Variants in KCNIP4 observed in about 807,000 individuals in gnomAD.
KCNIP4 encodes the protein Kv channel-interacting protein 4.
In KCNIP4, 12 loss-of-function variants were observed where a neutral mutation model predicts 34.0. That is an observed-to-expected ratio of 0.35 (90% CI 0.23 to 0.57). KCNIP4 has a LOEUF of 0.57. KCNIP4 is among the 20% of genes least tolerant of loss of function. The pLI, the probability that KCNIP4 is intolerant of heterozygous loss-of-function variation, is 0.83. For synonymous variants in KCNIP4, 124 were observed against 102.2 expected, an observed-to-expected ratio of 1.21 and a Z score of -1.29; for missense variants, 238 against 311.7, an observed-to-expected ratio of 0.76 and a Z score of 1.78.
intron 1 of KCNIP4, among the ~76,000 whole-genome samples, chr4:21,218,140 C>T (rs917467523): frequency 3.3e-5 from 5 of 151,806 alleles, no homozygotes; most frequent in Admixed American, 6.6e-5. Flanking sequence ...CTCAGTCTCC[C>T]GAGTAGCTGG....
chr4:20,730,253 A>ATTC, intron 8 of KCNIP4, 124 bp from the exon 9 acceptor site: 1 of 1,235,192 alleles, frequency 8.1e-7, no homozygotes, highest in Non-Finnish European at 1.1e-6. Flanking sequence ...AAGCTCAAAT[A>ATTC]TTAAGTGTTT....
chr4:21,673,337 G>A (rs139033913), intron 1 of KCNIP4, among the ~76,000 whole-genome samples: 2 of 152,134 alleles, frequency 1.3e-5, no homozygotes, highest in African/African-American at 4.8e-5. Context: ...ATATCTTCTT[G>A]GTTCTCTTAG....
At chr4:21,903,581 A>G (rs1462668346) in intron 1 of KCNIP4, among the ~76,000 whole-genome samples, 1 of 152,188 alleles carries the variant, frequency 6.6e-6, no homozygotes, top group Non-Finnish European at 1.5e-5. Flanking sequence ...GAAAAGAGAA[A>G]AAGTAAGTGC....
chr4:21,324,783 A>G (rs1461066064), intron 1 of KCNIP4, among the ~76,000 whole-genome samples: 2 of 149,938 alleles, frequency 1.3e-5, no homozygotes, highest in African/African-American at 4.9e-5. Flanking sequence ...AGTTTTTTCT[A>G]TGTCTGTGAA....
intron 1 of KCNIP4, among the ~76,000 whole-genome samples, chr4:21,735,746 C>A (rs933946906): frequency 6.6e-6 from 1 of 152,078 alleles, no homozygotes; most frequent in Non-Finnish European, 1.5e-5. Context: ...CAAAGATAAG[C>A]AAAATCTGTC....
At chr4:21,612,040 T>A (rs1744199894) in intron 1 of KCNIP4, among the ~76,000 whole-genome samples, 1 of 152,222 alleles carries the variant, frequency 6.6e-6, no homozygotes, top group African/African-American at 2.4e-5. Flanking sequence ...AAGACATAAT[T>A]GTCTTTTTAA....
intron 1 of KCNIP4, among the ~76,000 whole-genome samples, chr4:21,157,724 A>G (rs1172951431): frequency 6.6e-6 from 1 of 152,172 alleles, no homozygotes; most frequent in African/African-American, 2.4e-5. Context: ...TCGATAGCAA[A>G]AAAGATATCA....
intron 1 of KCNIP4, chr4:21,844,922 TA>T (rs1723914428): frequency 6.6e-6 from 1 of 150,474 alleles, no homozygotes; most frequent in Admixed American, 6.6e-5. Flanking sequence ...AAAGGTTGTA[TA>T]ACTTATCATA....
intron 1 of KCNIP4, among the ~76,000 whole-genome samples, chr4:21,282,965 C>T (rs1421521300): frequency 6.6e-6 from 1 of 152,094 alleles, no homozygotes; most frequent in Admixed American, 6.6e-5. Flanking sequence ...TGGTTAAACA[C>T]GTGGCAAACT....
chr4:20,878,272 C>CTAA (rs1169954041), intron 2 of KCNIP4, among the ~76,000 whole-genome samples: 1 of 152,154 alleles, frequency 6.6e-6, no homozygotes, highest in Non-Finnish European at 1.5e-5. Context: ...AAATACTTTG[C>CTAA]ATGGATTATT....
intron 1 of KCNIP4, among the ~76,000 whole-genome samples, chr4:21,581,629 T>C (rs1741203924): frequency 6.6e-6 from 1 of 152,022 alleles, no homozygotes; most frequent in Non-Finnish European, 1.5e-5. Flanking sequence ...GCTTAAATCA[T>C]AGAATATACC....
intron 1 of KCNIP4, among the ~76,000 whole-genome samples, chr4:21,228,169 G>A (rs906462106): frequency 1.3e-5 from 2 of 152,130 alleles, no homozygotes; most frequent in African/African-American, 4.8e-5. Context: ...TTAACCCCCA[G>A]TGTTGGAGAA....
intron 1 of KCNIP4, among the ~76,000 whole-genome samples, chr4:21,691,808 C>T (rs1711674618): frequency 6.7e-6 from 1 of 149,186 alleles, no homozygotes; most frequent in South Asian, 2.1e-4. Context: ...AAGTGATTCT[C>T]CTGCTTCAGC....
At chr4:21,205,227 G>T (rs574531323) in intron 1 of KCNIP4, among the ~76,000 whole-genome samples, 2 of 152,132 alleles carry the variant, frequency 1.3e-5, no homozygotes, top group African/African-American at 4.8e-5. Context: ...CTGAGAGCAC[G>T]TTCTAAGTTT....
chr4:21,889,046 T>C lies in KCNIP4; in HGVS notation c.61+59525A>G, dbSNP rs148889204. ...TTTTCACTATATTAATGGCATGTCA[T>C]ATTTTTATTGCTAAGTATTTATACG... is the stretch of plus-strand genomic sequence containing the variant. On this transcript the variant is annotated intron_variant, in intron 1 of 8. Transcript: ENST00000382152. Among the ~76,000 whole-genome samples the C allele has an allele frequency of 8.7e-3, 1,328 of 152,268 alleles. 15 individuals are homozygous for C. Among genetic ancestry groups the C allele is most frequent in the South Asian group, 0.034 (164 of 4,826 alleles).
At chr4:20,874,821 A>T (rs1435150212) in intron 2 of KCNIP4, among the ~76,000 whole-genome samples, 3 of 152,188 alleles carry the variant, frequency 2.0e-5, no homozygotes, top group Admixed American at 6.6e-5. Context: ...GTAAGAAACA[A>T]ATATTCTAAT....
chr4:21,853,228 G>C lies in KCNIP4; in HGVS notation c.61+95343C>G, dbSNP rs1347662629. On this transcript the variant is annotated intron_variant, in intron 1 of 8. Transcript: ENST00000382152. Reference sequence around the variant, plus strand: ...GTTCAGTAACATAAGGCAGCATTTGGAAAGTTGTAAGAAAAAACAAAAATG... The same window carrying C: ...GTTCAGTAACATAAGGCAGCATTTGCAAAGTTGTAAGAAAAAACAAAAATG... 4 of 152,052 alleles carry C rather than the reference G, an allele frequency of 2.6e-5. No individual in the cohort carries two copies. The South Asian group carries it at 6.2e-4, about 24-fold the overall frequency. The allele number at this position is 152,052 out of a possible 1,614,324, so 9.4% of individuals were successfully genotyped here. A position where few individuals can be genotyped will look rare whatever the true frequency, so the allele number is the denominator to read the frequency against.
chr4:20,749,793 G>C, intron 4 of KCNIP4, 61 bp from the exon 5 acceptor site: 1 of 1,119,818 alleles, frequency 8.9e-7, no homozygotes, highest in Non-Finnish European at 1.3e-6. Flanking sequence ...ATAAGACTTG[G>C]ATAGCAGTCC....
chr4:21,604,036 C>T (rs1037702668), intron 1 of KCNIP4, among the ~76,000 whole-genome samples: 22 of 151,452 alleles, frequency 1.5e-4, no homozygotes, highest in Admixed American at 1.1e-3. Context: ...TTTTTTCATT[C>T]GTCGATTATA....
Sources: gnomAD v4.1 joint callset for allele counts (sites outside exome capture counted in the v4.1 genomes callset) on GRCh38, gnomAD v4.1.1 for gene constraint, MANE v1.5 for transcripts, NCBI Gene and HGNC (gene_info 2026-07-23, HGNC 2026-07-21) for gene names.